ADGRL3: variants seen among roughly 807,000 people sequenced by gnomAD.
ADGRL3 encodes adhesion G protein-coupled receptor L3.
ADGRL3 carries 62 observed loss-of-function variants against 153.5 expected under a neutral mutation model. The ratio of observed to expected loss-of-function variants is 0.40; its 90% confidence interval spans 0.33 to 0.50. The LOEUF (loss-of-function observed/expected upper bound fraction) is 0.50, where lower values mean the gene tolerates loss of function less well. Among genes scored for constraint, ADGRL3 ranks in the 20% least tolerant of loss-of-function variants. The pLI, the probability that ADGRL3 is intolerant of heterozygous loss-of-function variation, is 0.47. For missense variants in ADGRL3, 1,641 were observed against 1,859.4 expected, an observed-to-expected ratio of 0.88 and a Z score of 2.16; for synonymous variants, 710 against 672.5, an observed-to-expected ratio of 1.06 and a Z score of -0.86.
intron 3 of ADGRL3, among the ~76,000 whole-genome samples, chr4:61,507,676 G>T (rs755194763): frequency 1.3e-5 from 2 of 152,172 alleles, no homozygotes; most frequent in African/African-American, 2.4e-5. Context: ...TATGTGTTGA[G>T]AAGGGTGGAT....
At chr4:61,856,584 TTTTCTC>T (rs1262475989) in intron 9 of ADGRL3, among the ~76,000 whole-genome samples, 7 of 85,818 alleles carry the variant, frequency 8.2e-5, no homozygotes, top group African/African-American at 1.5e-4. Flanking sequence ...TCTCTCTCTT[TTTTCTC>T]TCTCTCTCTC....
chr4:61,284,998 A>T (rs2093877594), intron 1 of ADGRL3, among the ~76,000 whole-genome samples: 1 of 151,480 alleles, frequency 6.6e-6, no homozygotes. Context: ...ATACTTATTG[A>T]TCTTAATGTC....
intron 1 of ADGRL3, among the ~76,000 whole-genome samples, chr4:61,357,310 T>C (rs1334593634): frequency 6.6e-6 from 1 of 152,140 alleles, no homozygotes; most frequent in Non-Finnish European, 1.5e-5. Context: ...TGAATTCCAA[T>C]ATAATTATAA....
chr4:62,033,128 CTGA>C (rs1291934470), intron 23 of ADGRL3, among the ~76,000 whole-genome samples: 2 of 151,732 alleles, frequency 1.3e-5, no homozygotes, highest in Non-Finnish European at 3.0e-5. Flanking sequence ...GGGACATAGG[CTGA>C]TGAAGATTCA....
intron 1 of ADGRL3, among the ~76,000 whole-genome samples, chr4:61,203,282 C>T (rs1735670571): frequency 6.6e-6 from 1 of 152,192 alleles, no homozygotes; most frequent in Non-Finnish European, 1.5e-5. Context: ...GCTTGCGAGC[C>T]ACCTCCAGGG....
At chr4:61,857,199 T>G (rs2149241622) in intron 9 of ADGRL3, among the ~76,000 whole-genome samples, 1 of 151,870 alleles carries the variant, frequency 6.6e-6, no homozygotes, top group Non-Finnish European at 1.5e-5. Context: ...CCAAAAGTAC[T>G]GGGCTTGCAG....
At chr4:61,694,305 G>T (rs577724603) in intron 6 of ADGRL3, among the ~76,000 whole-genome samples, 56 of 146,108 alleles carry the variant, frequency 3.8e-4, no homozygotes, top group African/African-American at 1.3e-3. Flanking sequence ...TCAAAGTATC[G>T]GGATTACATG....
chr4:61,442,467 A>T lies in ADGRL3; in HGVS notation c.-173-54654A>T, dbSNP rs143439025. ...TGACAATCATATTGTGACACACTGTAATTGTTAGATTGGGGAGGGTGAAAA... is the reference window on the plus strand; with the variant it reads ...TGACAATCATATTGTGACACACTGTTATTGTTAGATTGGGGAGGGTGAAAA... On this transcript the variant is annotated intron_variant, in intron 2 of 26. Transcript: ENST00000683033. Among the ~76,000 whole-genome samples the T allele has an allele frequency of 4.5e-4, 69 of 152,268 alleles. No homozygotes were observed. The East Asian group carries it at 0.013, about 28-fold the overall frequency.
chr4:61,632,004 T>A (rs1024356098), intron 5 of ADGRL3, among the ~76,000 whole-genome samples: 26 of 152,232 alleles, frequency 1.7e-4, no homozygotes, highest in Admixed American at 1.6e-3. Context: ...TGTGCCTATA[T>A]CAATGAGGTG....
At chr4:61,292,632 A>G (rs2150185712) in intron 1 of ADGRL3, among the ~76,000 whole-genome samples, 1 of 152,298 alleles carries the variant, frequency 6.6e-6, no homozygotes, top group African/African-American at 2.4e-5. Context: ...TAGAGTGAAT[A>G]ACACAAATAC....
rs535757535 is a variant in ADGRL3, at chr4:61,581,802, C to T, written c.260-5425C>T. 4.3e-4 allele frequency among the ~76,000 whole-genome samples: 66 copies of T among 152,192 alleles called. 1 individual carries two copies. Among genetic ancestry groups the T allele is most frequent in the African/African-American group, 1.5e-3 (63 of 41,574 alleles). On this transcript the variant is annotated intron_variant, in intron 4 of 26. Transcript: ENST00000683033. ...ACGTGGCAGCCATTCTTGTCACTCTCTCCCTTACCTTACATGTTCAGTCAG... is the reference window on the plus strand; with the variant it reads ...ACGTGGCAGCCATTCTTGTCACTCTTTCCCTTACCTTACATGTTCAGTCAG...
intron 21 of ADGRL3, among the ~76,000 whole-genome samples, chr4:62,006,130 A>T (rs2099158310): frequency 1.4e-5 from 2 of 147,070 alleles, no homozygotes; most frequent in South Asian, 4.3e-4. Flanking sequence ...CACCTCCTGG[A>T]TTTAAGGGAT....
chr4:61,532,553 C>CGTGTGTGTGTGT (rs1344839723), intron 4 of ADGRL3, among the ~76,000 whole-genome samples: 1 of 131,516 alleles, frequency 7.6e-6, no homozygotes, highest in Non-Finnish European at 1.6e-5. Flanking sequence ...CGCGCGCGCG[C>CGTGTGTGTGTGT]GCGTGTGTGT....
intron 8 of ADGRL3, among the ~76,000 whole-genome samples, chr4:61,791,384 A>T (rs1243761653): frequency 6.6e-6 from 1 of 152,152 alleles, no homozygotes; most frequent in Non-Finnish European, 1.5e-5. Context: ...CTCCAAAATG[A>T]TCTCCTTTGA....
At chr4:61,416,910 G>A (rs1179021308) in intron 2 of ADGRL3, among the ~76,000 whole-genome samples, 1 of 152,136 alleles carries the variant, frequency 6.6e-6, no homozygotes, top group African/African-American at 2.4e-5. Context: ...GGAACCCTGA[G>A]CTTGTTTTTC....
chr4:61,903,422 G>T (rs2098675953), intron 11 of ADGRL3, among the ~76,000 whole-genome samples: 1 of 152,014 alleles, frequency 6.6e-6, no homozygotes, highest in African/African-American at 2.4e-5. Flanking sequence ...AGCCCATGAG[G>T]GCAAGAGCTG....
At chr4:61,862,712 A>G (rs1284784283) in intron 9 of ADGRL3, among the ~76,000 whole-genome samples, 1 of 152,142 alleles carries the variant, frequency 6.6e-6, no homozygotes, top group African/African-American at 2.4e-5. Context: ...AGAACTCCAG[A>G]TTCATGGTCT....
In ADGRL3 at chr4:61,497,245, C is replaced by G; in HGVS notation, c.-49C>G. The G allele has an allele frequency of 8.8e-7, 1 of 1,138,388 alleles. No homozygotes were observed. Among genetic ancestry groups the G allele is most frequent in the Non-Finnish European group, 1.3e-6 (1 of 766,790 alleles). The allele number at this position is 1,138,388 out of a possible 1,614,324, so 70.5% of individuals were successfully genotyped here. A position where few individuals can be genotyped will look rare whatever the true frequency, so the allele number is the denominator to read the frequency against. ...CTAGAAATATACGTATTTTGTTTCACATTTGAACAGTCATTCTTGAGGAAT... is the reference window on the plus strand; with the variant it reads ...CTAGAAATATACGTATTTTGTTTCAGATTTGAACAGTCATTCTTGAGGAAT... On this transcript the variant is annotated 5_prime_UTR_variant, in exon 3 of 27. Coordinates refer to ENST00000683033, the MANE Select transcript of ADGRL3 (RefSeq NM_001387552.1).
intron 13 of ADGRL3, among the ~76,000 whole-genome samples, chr4:61,931,044 A>G (rs1042169683): frequency 6.6e-6 from 1 of 152,204 alleles, no homozygotes; most frequent in African/African-American, 2.4e-5. Context: ...TAGTAAAGGG[A>G]CATGTCAGCA....
Sources: allele counts gnomAD v4.1 joint callset (sites outside exome capture counted in the v4.1 genomes callset), GRCh38; gene constraint gnomAD v4.1.1; transcripts MANE v1.5; gene names NCBI Gene and HGNC (gene_info 2026-07-23, HGNC 2026-07-21).